Variants in CDS1 observed in about 807,000 individuals in gnomAD.
CDS1 encodes CDP-diacylglycerol synthase 1.
CDS1 carries 41 observed loss-of-function variants against 62.1 expected under a neutral mutation model. The ratio of observed to expected loss-of-function variants is 0.66; its 90% CI spans 0.51 to 0.86. The LOEUF (loss-of-function observed/expected upper bound fraction) is 0.86, where lower values mean the gene tolerates loss of function less well. CDS1 is among the 40% of genes least tolerant of loss of function. The probability of loss-of-function intolerance (pLI) is 0.00; values close to 1 mark genes in which losing one functional copy is unlikely to be tolerated. For synonymous variants in CDS1, 185 were observed against 192.6 expected (o/e 0.96, Z 0.32); for missense variants, 470 against 550.1 (o/e 0.85, Z 1.46).
chr4:84,614,771 A>G (rs1723435329), intron 3 of CDS1, among the ~76,000 whole-genome samples: 1 of 152,242 alleles, frequency 6.6e-6, no homozygotes. Context: ...GCATATACCC[A>G]GACCAGGGTG....
At chr4:84,622,245 G>T (rs1439571576) in intron 5 of CDS1, among the ~76,000 whole-genome samples, 1 of 152,100 alleles carries the variant, frequency 6.6e-6, no homozygotes, top group Non-Finnish European at 1.5e-5. Flanking sequence ...GGTATCTTCT[G>T]TTATTGAACC....
chr4:84,646,699 ATCTAT>A (rs2148662341), intron 12 of CDS1, among the ~76,000 whole-genome samples: 1 of 152,294 alleles, frequency 6.6e-6, no homozygotes, highest in South Asian at 2.1e-4. Context: ...ACAGCATGTT[ATCTAT>A]TCTAGTACAT....
chr4:84,619,636 C>A, intron 5 of CDS1, 103 bp downstream of exon 5: 1 of 649,756 alleles, frequency 1.5e-6, no homozygotes, highest in East Asian at 3.2e-5. Flanking sequence ...AAATTTTATT[C>A]CAGCCTCTCT....
Position 84,649,707 on chromosome 4 carries a change from G to A in CDS1, c.*1021G>A, listed in dbSNP as rs1237914932. ...ACTCACCTCGCAAGAAGGAAGATCT[G>A]CCTGGAGACCTGATCCCAGTCCAGC... On this transcript the variant is annotated 3_prime_UTR_variant, in exon 13 of 13. Transcript: ENST00000295887. The A allele has an allele frequency of 1.3e-5, 2 of 152,214 alleles. No homozygotes were observed. Among genetic ancestry groups the A allele is most frequent in the African/African-American group, 4.8e-5 (2 of 41,446 alleles). The allele number at this position is 152,214 out of a possible 1,614,324, so 9.4% of individuals were successfully genotyped here.
intron 1 of CDS1, among the ~76,000 whole-genome samples, chr4:84,584,108 C>A (rs1268148800): frequency 6.6e-6 from 1 of 152,162 alleles, no homozygotes; most frequent in Non-Finnish European, 1.5e-5. Context: ...ACACGACAGA[C>A]AGTGCAATTC....
chr4:84,617,528 T>A (rs1723534674), intron 3 of CDS1, 36 bp from the exon 4 acceptor site: 3 of 1,035,002 alleles, frequency 2.9e-6, no homozygotes, highest in African/African-American at 3.2e-5. Context: ...ATGTAAACAT[T>A]GAGAAATGTA....
intron 12 of CDS1, among the ~76,000 whole-genome samples, chr4:84,646,097 C>T (rs1724551012): frequency 6.6e-6 from 1 of 152,078 alleles, no homozygotes; most frequent in African/African-American, 2.4e-5. Context: ...ATTAATAGTA[C>T]CTGAGCTGTA....
intron 5 of CDS1, among the ~76,000 whole-genome samples, chr4:84,619,766 C>T (rs945882871): frequency 2.6e-5 from 4 of 152,036 alleles, no homozygotes; most frequent in Non-Finnish European, 5.9e-5. Flanking sequence ...GGTGCGGTGG[C>T]TCACTCCTGT....
At chr4:84,648,294 C>T (rs1724613225) in intron 12 of CDS1, among the ~76,000 whole-genome samples, 1 of 152,118 alleles carries the variant, frequency 6.6e-6, no homozygotes, top group African/African-American at 2.4e-5. Context: ...CTTTCAAGAG[C>T]TTTTGTAGAA....
intron 1 of CDS1, among the ~76,000 whole-genome samples, chr4:84,595,987 T>C (rs967861255): frequency 5.3e-5 from 8 of 152,094 alleles, no homozygotes; most frequent in African/African-American, 1.9e-4. Flanking sequence ...TTAAGTAAGA[T>C]TTGAATATTG....
At chr4:84,620,771 G>A (rs1358576022) in intron 5 of CDS1, among the ~76,000 whole-genome samples, 1 of 151,956 alleles carries the variant, frequency 6.6e-6, no homozygotes, top group African/African-American at 2.4e-5. Flanking sequence ...TAAACAGTGA[G>A]ATATTTGGGC....
At chr4:84,604,794 T>A (rs541985368) in intron 2 of CDS1, among the ~76,000 whole-genome samples, 1 of 152,216 alleles carries the variant, frequency 6.6e-6, no homozygotes, top group Admixed American at 6.5e-5. Flanking sequence ...TTCTTTCATT[T>A]TTTAAATAAG....
chr4:84,646,108 G>A (rs772341037), intron 12 of CDS1, among the ~76,000 whole-genome samples: 13 of 152,274 alleles, frequency 8.5e-5, no homozygotes, highest in South Asian at 2.1e-4. Context: ...CTGAGCTGTA[G>A]AAAACATGGA....
At chr4:84,603,718 C>A (rs1344799191) in intron 1 of CDS1, among the ~76,000 whole-genome samples, 1 of 152,136 alleles carries the variant, frequency 6.6e-6, no homozygotes, top group Non-Finnish European at 1.5e-5. Flanking sequence ...TCATAGTTTA[C>A]CTACCAGTAA....
chr4:84,589,516 A>G (rs1722516323), intron 1 of CDS1, among the ~76,000 whole-genome samples: 2 of 152,236 alleles, frequency 1.3e-5, no homozygotes, highest in Non-Finnish European at 2.9e-5. Flanking sequence ...TTTCTGGACT[A>G]CCATTTGGGC....
At chr4:84,647,209 A>G (rs570302307) in intron 12 of CDS1, among the ~76,000 whole-genome samples, 1 of 151,624 alleles carries the variant, frequency 6.6e-6, no homozygotes, top group African/African-American at 2.4e-5. Context: ...TGTTTTATTT[A>G]TAAGACAGTT....
intron 1 of CDS1, among the ~76,000 whole-genome samples, chr4:84,587,944 G>A (rs1722469283): frequency 6.6e-6 from 1 of 152,168 alleles, no homozygotes; most frequent in Non-Finnish European, 1.5e-5. Flanking sequence ...CCAGACAAGA[G>A]AGAACCTTCA....
chr4:84,641,916 C>G (rs185997351), intron 10 of CDS1, among the ~76,000 whole-genome samples: 2 of 152,350 alleles, frequency 1.3e-5, no homozygotes, highest in Non-Finnish European at 2.9e-5. Flanking sequence ...GTGCTCAGTA[C>G]ATGGTTTCCA....
intron 2 of CDS1, among the ~76,000 whole-genome samples, chr4:84,607,857 A>C (rs1723179432): frequency 6.6e-6 from 1 of 152,256 alleles, no homozygotes; most frequent in Non-Finnish European, 1.5e-5. Context: ...ATTAATAAAA[A>C]TCAGAAAAGT....
Sources: gnomAD v4.1 joint callset for allele counts (sites outside exome capture counted in the v4.1 genomes callset) on GRCh38, gnomAD v4.1.1 for gene constraint, MANE v1.5 for transcripts, NCBI Gene and HGNC (gene_info 2026-07-23, HGNC 2026-07-21) for gene names.